Variants in LHPP observed in about 807,000 individuals in gnomAD.
LHPP encodes the protein hLHPP.
Under a neutral mutation model 30.3 loss-of-function variants are expected in LHPP, and 24 were observed. That is an observed-to-expected ratio of 0.79 (90% CI 0.57 to 1.11). The LOEUF is 1.11. Among genes scored for constraint, LHPP ranks in the 50% most tolerant of loss-of-function variants. LHPP has a pLI of 0.00. For missense variants in LHPP, 356 were observed against 367.2 expected (o/e 0.97, Z 0.25); for synonymous variants, 150 against 157.1 (o/e 0.95, Z 0.34).
chr10:124,491,997 C>T (rs1253516606), intron 3 of LHPP, among the ~76,000 whole-genome samples: 2 of 152,176 alleles, frequency 1.3e-5, no homozygotes, highest in Non-Finnish European at 2.9e-5. Context: ...CACAAAATAT[C>T]CAGATTTCTG....
chr10:124,566,890 G>C (rs1052739357), intron 6 of LHPP, among the ~76,000 whole-genome samples: 3 of 152,234 alleles, frequency 2.0e-5, no homozygotes, highest in African/African-American at 7.2e-5. Context: ...AGCCGTGCTG[G>C]TCGCACATCC....
intron 5 of LHPP, among the ~76,000 whole-genome samples, chr10:124,507,870 G>GT (rs1338340474): frequency 3.4e-5 from 2 of 58,802 alleles, no homozygotes; most frequent in Non-Finnish European, 3.7e-5. Context: ...GATTTCAGGT[G>GT]GGGGGGTAGG....
Position 124,613,410 on chromosome 10 carries a change from CCT to C in LHPP, c.*51_*52del. The stretch of plus-strand genomic sequence containing the variant: ...CCTCCACCCCTGCCTCTCCTCCACC[CCT>C]GCCTCCCCTCCACCCCTGCCTCTCC... On this transcript the variant is annotated 3_prime_UTR_variant, in exon 7 of 7. Transcript: ENST00000368842. 2.3e-6 allele frequency: 3 copies of C among 1,322,778 alleles called. No individual in the cohort carries two copies. The highest frequency in any genetic ancestry group is 2.3e-5 in the East Asian group (1 of 43,220). 81.9% of individuals were successfully genotyped at this position (1,322,778 alleles called of 1,614,324 possible). A position where few individuals can be genotyped will look rare whatever the true frequency, so the allele number is the denominator to read the frequency against.
chr10:124,587,192 C>T (rs1275850871), intron 6 of LHPP, among the ~76,000 whole-genome samples: 6 of 151,796 alleles, frequency 4.0e-5, no homozygotes, highest in Admixed American at 2.0e-4. Flanking sequence ...CCACCACACC[C>T]GGCTAATTAT....
At chr10:124,491,711 G>A (rs1953536376) in intron 3 of LHPP, among the ~76,000 whole-genome samples, 1 of 152,232 alleles carries the variant, frequency 6.6e-6, no homozygotes, top group African/African-American at 2.4e-5. Context: ...GATCACCTGA[G>A]GCCAGGGGTT....
intron 6 of LHPP, among the ~76,000 whole-genome samples, chr10:124,557,667 C>T (rs1948325947): frequency 6.6e-6 from 1 of 152,114 alleles, no homozygotes; most frequent in African/African-American, 2.4e-5. Flanking sequence ...GGGATGAAGC[C>T]TCCCATGACT....
At chr10:124,487,227 C>G (rs1953357839) in intron 2 of LHPP, among the ~76,000 whole-genome samples, 1 of 152,182 alleles carries the variant, frequency 6.6e-6, no homozygotes, top group South Asian at 2.1e-4. Context: ...AAATACCTAG[C>G]AGCGAAATTA....
chr10:124,549,958 C>G (rs1419148861), intron 6 of LHPP, among the ~76,000 whole-genome samples: 1 of 152,180 alleles, frequency 6.6e-6, no homozygotes, highest in Non-Finnish European at 1.5e-5. Flanking sequence ...TAATCGGTGG[C>G]CGTGAGGATG....
At chr10:124,519,118 T>C (rs1954538404) in intron 6 of LHPP, among the ~76,000 whole-genome samples, 1 of 152,114 alleles carries the variant, frequency 6.6e-6, no homozygotes, top group Non-Finnish European at 1.5e-5. Flanking sequence ...TGGCTAGTTT[T>C]TGTATTTTTA....
chr10:124,584,075 T>C (rs1948773254), intron 6 of LHPP, among the ~76,000 whole-genome samples: 1 of 152,098 alleles, frequency 6.6e-6, no homozygotes, highest in African/African-American at 2.4e-5. Context: ...CTGAAGGGGG[T>C]TGTGTCACAT....
At chr10:124,531,600 C>T (rs1045964685) in intron 6 of LHPP, among the ~76,000 whole-genome samples, 2 of 152,308 alleles carry the variant, frequency 1.3e-5, no homozygotes, top group East Asian at 1.9e-4. Flanking sequence ...TTGAAGATTA[C>T]GAGACAGTCA....
rs2133871511 is a variant in LHPP, at chr10:124,496,609, T to C, written c.468-352T>C. Among the ~76,000 whole-genome samples, 2 of 152,308 alleles carry C rather than the reference T, an allele frequency of 1.3e-5. No individual in the cohort carries two copies. Among genetic ancestry groups the C allele is most frequent in the East Asian group, 3.9e-4 (2 of 5,186 alleles). On this transcript the variant is annotated intron_variant, in intron 3 of 6. Coordinates refer to ENST00000368842, the MANE Select transcript of LHPP (RefSeq NM_022126.4). This position sits in a 1 kb window ranked among gnomAD's most constrained non-coding sequence, Gnocchi z 4.3. ...CTGCTGTTCCTTCCCAGGACACAGG[T>C]CACTTGTCATTCTCTGTGTTAGCAA...
rs1200439858 is a variant in LHPP at position 124,553,840 on chromosome 10, CCCT to C, written c.716+36574_716+36576del. On this transcript the variant is annotated intron_variant, in intron 6 of 6. Coordinates refer to ENST00000368842, the MANE Select transcript of LHPP (RefSeq NM_022126.4). ...CACAGAGACCTCCCCCGGGCCAGGC[CCCT>C]CCTCTGTCTGCAGAAGGAGGTAAGG... 23 of 970,754 alleles carry C rather than the reference CCCT, an allele frequency of 2.4e-5. No homozygotes were observed. The South Asian group carries it at 8.1e-4, about 34-fold the overall frequency. 60.1% of individuals were successfully genotyped at this position (970,754 alleles called of 1,614,324 possible). A position where few individuals can be genotyped will look rare whatever the true frequency, so the allele number is the denominator to read the frequency against.
chr10:124,466,194 G>A (rs1051276265), intron 1 of LHPP, among the ~76,000 whole-genome samples: 1 of 152,228 alleles, frequency 6.6e-6, no homozygotes, highest in Admixed American at 6.5e-5. Flanking sequence ...TGCAGTGTAA[G>A]AAGGAATGAG....
chr10:124,462,421 C>T (rs1952431325), intron 1 of LHPP, among the ~76,000 whole-genome samples: 1 of 151,816 alleles, frequency 6.6e-6, no homozygotes, highest in Non-Finnish European at 1.5e-5. Context: ...ATAGGGAGAC[C>T]CCGTCTCTGC....
At chr10:124,519,284 C>T (rs746690290) in intron 6 of LHPP, among the ~76,000 whole-genome samples, 14 of 152,222 alleles carry the variant, frequency 9.2e-5, no homozygotes, top group Non-Finnish European at 2.1e-4. Context: ...TTGCCGAATC[C>T]TTCCACACTG....
chr10:124,519,434 T>C (rs958072170), intron 6 of LHPP, among the ~76,000 whole-genome samples: 1 of 152,240 alleles, frequency 6.6e-6, no homozygotes, highest in Non-Finnish European at 1.5e-5. Flanking sequence ...ATAATGATTT[T>C]TTTGGTAATT....
intron 6 of LHPP, among the ~76,000 whole-genome samples, chr10:124,519,480 G>A (rs1376903169): frequency 6.6e-6 from 1 of 152,160 alleles, no homozygotes; most frequent in Non-Finnish European, 1.5e-5. Context: ...AACAGGTGGT[G>A]TTTGGTTACA....
intron 6 of LHPP, among the ~76,000 whole-genome samples, chr10:124,548,206 G>C (rs1207153844): frequency 1.3e-5 from 2 of 151,210 alleles, no homozygotes; most frequent in African/African-American, 4.8e-5. Flanking sequence ...GGCCACTCCA[G>C]AGCCATTTCC....
Sources: gnomAD v4.1 joint callset for allele counts (sites outside exome capture counted in the v4.1 genomes callset) on GRCh38, gnomAD v4.1.1 for gene constraint, Gnocchi (gnomAD v3.1) non-coding constraint, MANE v1.5 for transcripts, NCBI Gene and HGNC (gene_info 2026-07-23, HGNC 2026-07-21) for gene names.